Variants in MACROD2 observed in about 807,000 individuals in gnomAD.
The protein encoded by MACROD2 is mono-ADP ribosylhydrolase 2.
A neutral mutation model predicts 70.4 loss-of-function variants in MACROD2; 36 were observed. That is an observed-to-expected ratio of 0.51 (90% CI 0.39 to 0.68). The LOEUF is 0.68. Ranked by LOEUF, MACROD2 falls within the 30% of genes least tolerant of loss-of-function variation. The probability of loss-of-function intolerance (pLI) is 0.00; values close to 1 mark genes in which losing one functional copy is unlikely to be tolerated. For synonymous variants in MACROD2, 172 were observed against 178.8 expected (o/e 0.96, Z 0.30); for missense variants, 496 against 538.4 (o/e 0.92, Z 0.78).
chr20:15,098,911 A>G (rs1482824147), intron 5 of MACROD2, among the ~76,000 whole-genome samples: 1 of 152,218 alleles, frequency 6.6e-6, no homozygotes, highest in Non-Finnish European at 1.5e-5. Flanking sequence ...AGAAAATTGC[A>G]CTACTAGTTA....
At chr20:16,023,579 C>T (rs532780243) in intron 15 of MACROD2, among the ~76,000 whole-genome samples, 1 of 151,610 alleles carries the variant, frequency 6.6e-6, no homozygotes, top group Non-Finnish European at 1.5e-5. Context: ...GGAGGCAATC[C>T]GAGGAAGCAC....
rs77240090 is a variant in MACROD2 at position 14,909,494 on chromosome 20, T to A, written c.418+224535T>A. 7.9e-3 allele frequency among the ~76,000 whole-genome samples: 1,201 copies of A among 152,048 alleles called. 15 individuals are homozygous for A. The highest frequency in any genetic ancestry group is 0.027 in the African/African-American group (1,131 of 41,476). ...CACTGGTTAACACTTGTTACTTACC[T>A]TTCTGAACCTAAATTTCTCCATCTG... On this transcript the variant is annotated intron_variant, in intron 5 of 17. Coordinates refer to ENST00000684519, the MANE Select transcript of MACROD2 (RefSeq NM_001351661.2).
intron 5 of MACROD2, among the ~76,000 whole-genome samples, chr20:15,115,459 A>G (rs550796367): frequency 6.6e-6 from 1 of 152,058 alleles, no homozygotes; most frequent in South Asian, 2.1e-4. Context: ...CCTGGCCTCA[A>G]GTGATCCTCC....
chr20:14,497,262 A>C (rs192300554), intron 4 of MACROD2, among the ~76,000 whole-genome samples: 1 of 151,734 alleles, frequency 6.6e-6, no homozygotes, highest in South Asian at 2.1e-4. Flanking sequence ...GCCCAGATTC[A>C]TATACTTTTT....
At chr20:15,103,177 A>C (rs1422795651) in intron 5 of MACROD2, among the ~76,000 whole-genome samples, 3 of 152,156 alleles carry the variant, frequency 2.0e-5, no homozygotes, top group African/African-American at 7.2e-5. Context: ...ATTTTCTCAC[A>C]TAGCAAGAAG....
At chr20:15,394,369 T>C (rs768487146) in intron 6 of MACROD2, among the ~76,000 whole-genome samples, 13 of 152,208 alleles carry the variant, frequency 8.5e-5, no homozygotes, top group Non-Finnish European at 1.5e-4. Flanking sequence ...CTTTCTTCCA[T>C]TGTTTGTTGC....
chr20:15,378,226 A>G (rs937102581), intron 6 of MACROD2, among the ~76,000 whole-genome samples: 5 of 150,772 alleles, frequency 3.3e-5, no homozygotes, highest in African/African-American at 1.2e-4. Context: ...TTCGTTTTCA[A>G]CCTTGGTATG....
intron 6 of MACROD2, among the ~76,000 whole-genome samples, chr20:15,426,137 C>T (rs1001281353): frequency 6.6e-5 from 10 of 151,672 alleles, no homozygotes; most frequent in Non-Finnish European, 1.5e-4. Flanking sequence ...GCTGACCTTC[C>T]CTCCACTATT....
chr20:14,264,015 ACACACACACAC>A (rs1568527520), intron 3 of MACROD2, among the ~76,000 whole-genome samples: 5 of 141,740 alleles, frequency 3.5e-5, no homozygotes, highest in African/African-American at 1.1e-4. Context: ...ACACACACAC[ACACACACACAC>A]AACACAAGTG....
chr20:14,364,403 C>T (rs77292429), intron 3 of MACROD2, among the ~76,000 whole-genome samples: 1,702 of 152,176 alleles, frequency 0.011, 15 homozygotes, highest in Middle Eastern at 0.02. Context: ...ATGATTTGTG[C>T]GCTTTGTCCC....
intron 2 of MACROD2, among the ~76,000 whole-genome samples, chr20:14,045,719 A>G (rs1395712624): frequency 1.3e-5 from 2 of 152,236 alleles, no homozygotes; most frequent in Non-Finnish European, 2.9e-5. Context: ...TGAAATTACT[A>G]GGTAAGACAA....
At chr20:15,869,241 A>AGAGAGAGAGAGG (rs2064545196) in intron 9 of MACROD2, among the ~76,000 whole-genome samples, 2 of 122,252 alleles carry the variant, frequency 1.6e-5, no homozygotes, top group African/African-American at 6.5e-5. Flanking sequence ...ATATATATAG[A>AGAGAGAGAGAGG]GAGAGAGAGA....
At chr20:14,153,307 T>C (rs1364767000) in intron 3 of MACROD2, among the ~76,000 whole-genome samples, 1 of 152,156 alleles carries the variant, frequency 6.6e-6, no homozygotes, top group African/African-American at 2.4e-5. Flanking sequence ...AAAAATCCAA[T>C]GCAAAACCGT....
chr20:15,405,884 T>C (rs2045993433), intron 6 of MACROD2, among the ~76,000 whole-genome samples: 1 of 152,202 alleles, frequency 6.6e-6, no homozygotes, highest in Non-Finnish European at 1.5e-5. Context: ...GGGTAGGTAC[T>C]CTTCAAAACA....
chr20:14,534,559 G>A (rs2085342291), intron 4 of MACROD2, among the ~76,000 whole-genome samples: 1 of 152,168 alleles, frequency 6.6e-6, no homozygotes, highest in African/African-American at 2.4e-5. Context: ...TTCAAATACA[G>A]ATGTATTTTA....
At chr20:14,867,990 G>A (rs1373099057) in intron 5 of MACROD2, among the ~76,000 whole-genome samples, 3 of 152,150 alleles carry the variant, frequency 2.0e-5, no homozygotes, top group Non-Finnish European at 2.9e-5. Context: ...GGGCAATAGA[G>A]TGAAGAATTT....
At chr20:14,294,772 T>G (rs1436609279) in intron 3 of MACROD2, among the ~76,000 whole-genome samples, 1 of 151,870 alleles carries the variant, frequency 6.6e-6, no homozygotes, top group Non-Finnish European at 1.5e-5. Context: ...GGAGCTCTTT[T>G]AAGTTGATTT....
intron 2 of MACROD2, among the ~76,000 whole-genome samples, chr20:14,082,354 A>ATT (rs199540255): frequency 4.1e-4 from 36 of 88,200 alleles, no homozygotes; most frequent in African/African-American, 4.9e-4. Context: ...AATTTTTTGT[A>ATT]TTTTTTTTTT....
At chr20:15,332,946 C>G (rs79870965) in intron 6 of MACROD2, among the ~76,000 whole-genome samples, 9 of 85,630 alleles carry the variant, frequency 1.1e-4, no homozygotes. Context: ...TCAGCTTCTC[C>G]CTCTTGGCAC....
Sources: gnomAD v4.1 joint callset for allele counts (sites outside exome capture counted in the v4.1 genomes callset) on GRCh38, gnomAD v4.1.1 for gene constraint, MANE v1.5 for transcripts, NCBI Gene and HGNC (gene_info 2026-07-23, HGNC 2026-07-21) for gene names.